Variants in ADAM12 observed in about 807,000 individuals in gnomAD.
ADAM12 encodes the protein disintegrin and metalloproteinase domain-containing protein 12.
Under a neutral mutation model 106.4 loss-of-function variants are expected in ADAM12, and 70 were observed. The ratio of observed to expected loss-of-function variants is 0.66; its 90% CI spans 0.54 to 0.80. The LOEUF is 0.80. Ranked by LOEUF, ADAM12 falls within the 30% of genes least tolerant of loss-of-function variation. The pLI is 0.00. For synonymous variants in ADAM12, 420 were observed against 433.5 expected (o/e 0.97, Z 0.39); for missense variants, 1,010 against 1,171.9 (o/e 0.86, Z 2.02).
intron 3 of ADAM12, among the ~76,000 whole-genome samples, chr10:126,252,250 T>TGGATG (rs1478843776): frequency 9.7e-6 from 1 of 103,188 alleles, no homozygotes; most frequent in Non-Finnish European, 2.1e-5. Flanking sequence ...ATTGGACTGA[T>TGGATG]GGATGGGATG....
At chr10:126,372,553 G>A (rs1033796114) in intron 1 of ADAM12, among the ~76,000 whole-genome samples, 1 of 152,084 alleles carries the variant, frequency 6.6e-6, no homozygotes, top group African/African-American at 2.4e-5. Context: ...TAACTACAAC[G>A]CCAGAACACA....
Position 126,043,190 on chromosome 10 carries a change from C to T in ADAM12, c.1996-42G>A. The T allele has an allele frequency of 1.3e-6, 2 of 1,575,694 alleles. No homozygotes were observed. Among genetic ancestry groups the T allele is most frequent in the African/African-American group, 1.3e-5 (1 of 74,300 alleles). On this transcript the variant is annotated intron_variant, in intron 17 of 22. Coordinates refer to ENST00000448723, the MANE Select transcript of ADAM12 (RefSeq NM_001288973.2). This position sits in a 1 kb window ranked among gnomAD's most constrained non-coding sequence, Gnocchi z 4.1. Reference sequence around the variant, plus strand: ...GAGGGACGTGGGGTTAGGGCATATGCTCTGTGCATCACCACAGCAGAAGCA... The same window carrying T: ...GAGGGACGTGGGGTTAGGGCATATGTTCTGTGCATCACCACAGCAGAAGCA...
intron 8 of ADAM12, among the ~76,000 whole-genome samples, chr10:126,107,739 T>C (rs1955799399): frequency 6.6e-6 from 1 of 152,128 alleles, no homozygotes; most frequent in African/African-American, 2.4e-5. Context: ...CTGGGGAGCT[T>C]CTGAAAATTC....
intron 3 of ADAM12, among the ~76,000 whole-genome samples, chr10:126,180,443 TG>T: frequency 6.6e-6 from 1 of 152,284 alleles, no homozygotes; most frequent in South Asian, 2.1e-4. Context: ...TCTCTGTACG[TG>T]GGTGGCATGT....
At position 126,308,371 on chromosome 10, in the gene ADAM12, G is replaced by A. The variant is rs186321165; in HGVS notation, c.186+22041C>T. Among the ~76,000 whole-genome samples, 5 of 152,288 alleles carry A rather than the reference G, an allele frequency of 3.3e-5. No homozygotes were observed. The East Asian group carries it at 7.7e-4, about 23-fold the overall frequency. ...CTGGACCTTGTCTCCCAAGTTACCA[G>A]CAGATTGTGGAAGATTTCACTCTGC... On this transcript the variant is annotated intron_variant, in intron 2 of 22. Transcript: ENST00000448723.
chr10:126,050,901 C>T (rs1476666871), intron 14 of ADAM12, among the ~76,000 whole-genome samples: 3 of 152,166 alleles, frequency 2.0e-5, no homozygotes, highest in Admixed American at 6.5e-5. Context: ...GAAGCCTCTG[C>T]AATCTCTTTT....
chr10:126,317,754 A>G (rs1315844243), intron 2 of ADAM12, among the ~76,000 whole-genome samples: 3 of 152,056 alleles, frequency 2.0e-5, no homozygotes, highest in African/African-American at 4.8e-5. Context: ...TTCCTTTTAT[A>G]CCATTTTATT....
intron 5 of ADAM12, among the ~76,000 whole-genome samples, chr10:126,119,114 C>T (rs1956040248): frequency 6.6e-6 from 1 of 152,126 alleles, no homozygotes; most frequent in Admixed American, 6.6e-5. Context: ...GTACACAGAA[C>T]ATTAGCACTG....
chr10:126,169,657 G>A (rs1333909238), intron 3 of ADAM12, among the ~76,000 whole-genome samples: 5 of 152,110 alleles, frequency 3.3e-5, no homozygotes, highest in South Asian at 2.1e-4. Flanking sequence ...TAAAAGACAC[G>A]TTGATCCTTA....
At chr10:126,240,569 A>G (rs4962525) in intron 3 of ADAM12, among the ~76,000 whole-genome samples, 86,685 of 152,184 alleles carry the variant, frequency 0.57, 25,514 homozygotes, top group African/African-American at 0.71. Context: ...TCACACAGGC[A>G]GTCAGCTGTG....
At chr10:126,251,688 TGGATGGGATGGATGGATA>T (rs2133684675) in intron 3 of ADAM12, among the ~76,000 whole-genome samples, 1 of 143,772 alleles carries the variant, frequency 7.0e-6, no homozygotes, top group African/African-American at 2.7e-5. Flanking sequence ...ATGGAGAGGA[TGGATGGGATGGATGGATA>T]GGATGGATGG....
intron 2 of ADAM12, among the ~76,000 whole-genome samples, chr10:126,296,511 A>G (rs938216783): frequency 7.9e-5 from 12 of 152,048 alleles, no homozygotes; most frequent in African/African-American, 2.9e-4. Context: ...CCCCAAACAC[A>G]TCTTTTGTGA....
intron 3 of ADAM12, among the ~76,000 whole-genome samples, chr10:126,186,224 A>T (rs989927109): frequency 6.6e-6 from 1 of 152,166 alleles, no homozygotes; most frequent in Non-Finnish European, 1.5e-5. Flanking sequence ...CCATGTTGTA[A>T]TCCCCGCGGG....
intron 1 of ADAM12, among the ~76,000 whole-genome samples, chr10:126,356,993 A>C (rs1038827965): frequency 4.6e-5 from 7 of 152,210 alleles, no homozygotes; most frequent in Non-Finnish European, 8.8e-5. Context: ...TAACTTTTGC[A>C]TAATACAAAT....
chr10:126,247,130 C>T (rs1323897920), intron 3 of ADAM12, among the ~76,000 whole-genome samples: 1 of 152,142 alleles, frequency 6.6e-6, no homozygotes, highest in East Asian at 1.9e-4. Flanking sequence ...TGTAAAGTAT[C>T]TGAGAGTGGT....
At chr10:126,268,662 T>C (rs917757254) in intron 3 of ADAM12, among the ~76,000 whole-genome samples, 4 of 152,254 alleles carry the variant, frequency 2.6e-5, no homozygotes, top group African/African-American at 7.2e-5. Context: ...TGACTATCAG[T>C]TGCAGTTTTC....
At chr10:126,148,893 G>A (rs1956678374) in intron 4 of ADAM12, among the ~76,000 whole-genome samples, 1 of 152,054 alleles carries the variant, frequency 6.6e-6, no homozygotes, top group Admixed American at 6.5e-5. Flanking sequence ...CCATTGTGGG[G>A]AAGGTAGAAA....
intron 3 of ADAM12, among the ~76,000 whole-genome samples, chr10:126,202,108 C>T (rs1340630455): frequency 6.6e-6 from 1 of 152,250 alleles, no homozygotes; most frequent in African/African-American, 2.4e-5. Context: ...GCAATTAAAA[C>T]TTCCAAACAT....
At chr10:126,381,414 G>A (rs1270782999) in intron 1 of ADAM12, among the ~76,000 whole-genome samples, 1 of 152,124 alleles carries the variant, frequency 6.6e-6, no homozygotes, top group Non-Finnish European at 1.5e-5. Context: ...TGCGGCAGGA[G>A]GATGCTTGAG....
Sources: gnomAD v4.1 joint callset for allele counts (sites outside exome capture counted in the v4.1 genomes callset) on GRCh38, gnomAD v4.1.1 for gene constraint, Gnocchi (gnomAD v3.1) non-coding constraint, MANE v1.5 for transcripts, NCBI Gene and HGNC (gene_info 2026-07-23, HGNC 2026-07-21) for gene names.